RNF144A: variants seen among roughly 807,000 people sequenced by gnomAD.
The protein encoded by RNF144A is ring finger protein 144A, also known as E3 ubiquitin-protein ligase RNF144A.
A neutral mutation model predicts 38.7 loss-of-function variants in RNF144A; 11 were observed. That is an observed-to-expected ratio of 0.28 (90% CI 0.18 to 0.47). The LOEUF (loss-of-function observed/expected upper bound fraction) is 0.47. Ranked by LOEUF, RNF144A falls within the 20% of genes least tolerant of loss-of-function variation. The pLI, the probability that RNF144A is intolerant of heterozygous loss-of-function variation, is 0.99. For synonymous variants in RNF144A, 149 were observed against 143.9 expected (o/e 1.04, Z -0.25); for missense variants, 316 against 377.2 (o/e 0.84, Z 1.34).
chr2:6,960,504 A>G (rs1464627691), intron 2 of RNF144A, among the ~76,000 whole-genome samples: 1 of 152,178 alleles, frequency 6.6e-6, no homozygotes, highest in African/African-American at 2.4e-5. Context: ...TGTTCTGGAA[A>G]GTGATGGTCA....
chr2:6,990,373 A>T (rs1375269007), intron 2 of RNF144A, among the ~76,000 whole-genome samples: 1 of 140,786 alleles, frequency 7.1e-6, no homozygotes. Flanking sequence ...CTTCCTAAAG[A>T]CTATATATAT....
chr2:7,022,223 A>G lies in RNF144A; in HGVS notation c.509+1543A>G, dbSNP rs371200890. 7.4e-4 allele frequency among the ~76,000 whole-genome samples: 112 copies of G among 152,150 alleles called. 1 individual carries two copies. Among genetic ancestry groups the G allele is most frequent in the Middle Eastern group, 3.4e-3 (1 of 294 alleles). ...GAGAAGACACTAAGCTATTTTTTGT[A>G]TTGGAGGGTTTGTTGTTGTTGTTGT... is the stretch of plus-strand genomic sequence containing the variant. On this transcript the variant is annotated intron_variant, in intron 6 of 8. Coordinates refer to ENST00000320892, the MANE Select transcript of RNF144A (RefSeq NM_014746.6).
At chr2:6,991,721 G>A (rs1196319003) in intron 2 of RNF144A, among the ~76,000 whole-genome samples, 9 of 152,066 alleles carry the variant, frequency 5.9e-5, no homozygotes, top group Non-Finnish European at 2.9e-5. Flanking sequence ...TATGCAAATG[G>A]CGAACGCAAT....
chr2:6,923,864 A>C (rs1664700463), intron 1 of RNF144A, among the ~76,000 whole-genome samples: 10 of 151,884 alleles, frequency 6.6e-5, no homozygotes, highest in Admixed American at 6.6e-4. Flanking sequence ...TGATTTATGT[A>C]ACCATCCTAT....
At chr2:7,009,305 T>C (rs1332713686) in intron 3 of RNF144A, among the ~76,000 whole-genome samples, 1 of 152,208 alleles carries the variant, frequency 6.6e-6, no homozygotes, top group Non-Finnish European at 1.5e-5. Context: ...AGGATCATCT[T>C]GTTCTGTAGC....
intron 2 of RNF144A, among the ~76,000 whole-genome samples, chr2:6,966,235 A>G (rs1247364300): frequency 2.0e-5 from 3 of 152,266 alleles, no homozygotes; most frequent in African/African-American, 7.2e-5. Flanking sequence ...CAGGAACATG[A>G]AGACTAAAGA....
At chr2:6,968,981 C>G (rs1667838246) in intron 2 of RNF144A, among the ~76,000 whole-genome samples, 1 of 152,182 alleles carries the variant, frequency 6.6e-6, no homozygotes, top group Non-Finnish European at 1.5e-5. Context: ...AGCATGTGGT[C>G]TCAGGGTGCA....
Position 7,044,097 on chromosome 2 carries a change from G to T in RNF144A, c.*4337G>T, listed in dbSNP as rs1469388348. On this transcript the variant is annotated 3_prime_UTR_variant, in exon 9 of 9. Transcript: ENST00000320892. ...TTTCAATACATATTTTAAATGTATTGTGTCTTACGTAGTTTGTCCCCCCCT... is the reference window on the plus strand; with the variant it reads ...TTTCAATACATATTTTAAATGTATTTTGTCTTACGTAGTTTGTCCCCCCCT... 1.0e-6 allele frequency: 1 copy of T among 985,484 alleles called. No homozygotes were observed. The highest frequency in any genetic ancestry group is 4.7e-5 in the South Asian group (1 of 21,288). 61.0% of individuals were successfully genotyped at this position (985,484 alleles called of 1,614,324 possible).
intron 1 of RNF144A, among the ~76,000 whole-genome samples, chr2:6,934,583 T>A (rs1329039042): frequency 3.3e-5 from 5 of 152,248 alleles, no homozygotes; most frequent in Non-Finnish European, 4.4e-5. Context: ...ATTTTTTTCC[T>A]CTGGTAAAAT....
chr2:6,922,499 G>A (rs1331241923), intron 1 of RNF144A, among the ~76,000 whole-genome samples: 1 of 152,196 alleles, frequency 6.6e-6, no homozygotes, highest in African/African-American at 2.4e-5. Flanking sequence ...CTGTGGAGCA[G>A]GGCATGTTTA....
chr2:6,997,700 A>C (rs1340971466), intron 3 of RNF144A, among the ~76,000 whole-genome samples: 1 of 152,144 alleles, frequency 6.6e-6, no homozygotes, highest in Non-Finnish European at 1.5e-5. Flanking sequence ...ATCTCATTGA[A>C]TTTTACTTGT....
At chr2:7,033,239 A>C (rs1279802262) in intron 8 of RNF144A, among the ~76,000 whole-genome samples, 1 of 152,256 alleles carries the variant, frequency 6.6e-6, no homozygotes, top group Non-Finnish European at 1.5e-5. Flanking sequence ...AAGCCAGCCC[A>C]TGTGCGGCCC....
chr2:6,971,683 C>T (rs1379270272), intron 2 of RNF144A, among the ~76,000 whole-genome samples: 2 of 152,128 alleles, frequency 1.3e-5, no homozygotes, highest in Admixed American at 6.5e-5. Flanking sequence ...GAATCCTGTC[C>T]TCTGATGTGC....
In RNF144A at chr2:6,924,019, G is replaced by T. The variant is rs1664709229; in HGVS notation, c.-212+6397G>T. On this transcript the variant is annotated intron_variant, in intron 1 of 8. Coordinates refer to ENST00000320892, the MANE Select transcript of RNF144A (RefSeq NM_014746.6). ...AAACCTGGTTCAAGAGGGAAGCCTG[G>T]AACAGATTATGAATGAAGAAATGGA... Among the ~76,000 whole-genome samples the T allele has an allele frequency of 7.2e-5, 11 of 152,290 alleles. No individual in the cohort carries two copies. The South Asian group carries it at 2.3e-3, about 32-fold the overall frequency.
At chr2:7,070,706 AT>A (rs1674441786), downstream of RNF144A, among the ~76,000 whole-genome samples, 1 of 152,180 alleles carries the variant, frequency 6.6e-6, no homozygotes, top group East Asian at 1.9e-4. Flanking sequence ...AAAAACAGAG[AT>A]GCACTGAGAG....
chr2:7,070,646 T>C (rs1674437480), downstream of RNF144A, among the ~76,000 whole-genome samples: 1 of 152,182 alleles, frequency 6.6e-6, no homozygotes, highest in African/African-American at 2.4e-5. Flanking sequence ...CCGCTGTCTT[T>C]ATAACATTAG....
At chr2:6,961,334 A>T (rs1383616202) in intron 2 of RNF144A, among the ~76,000 whole-genome samples, 2 of 152,118 alleles carry the variant, frequency 1.3e-5, no homozygotes, top group East Asian at 3.9e-4. Flanking sequence ...AGGAAAAAAA[A>T]TTATTTTCTG....
intron 2 of RNF144A, among the ~76,000 whole-genome samples, chr2:6,976,131 T>A (rs1200212259): frequency 2.0e-5 from 3 of 152,200 alleles, no homozygotes; most frequent in Non-Finnish European, 4.4e-5. Flanking sequence ...GGAAGTGGGA[T>A]TACTAGGTCA....
chr2:6,971,530 T>A (rs1667998329), intron 2 of RNF144A, among the ~76,000 whole-genome samples: 1 of 152,200 alleles, frequency 6.6e-6, no homozygotes, highest in Non-Finnish European at 1.5e-5. Context: ...AGTTTCAGGA[T>A]CAATGAGAGA....
Sources: gnomAD v4.1 joint callset for allele counts (sites outside exome capture counted in the v4.1 genomes callset) on GRCh38, gnomAD v4.1.1 for gene constraint, MANE v1.5 for transcripts, NCBI Gene and HGNC (gene_info 2026-07-23, HGNC 2026-07-21) for gene names.